Variants in GPRIN1 observed in about 807,000 individuals in gnomAD.
The protein encoded by GPRIN1 is G protein-regulated inducer of neurite outgrowth 1.
In GPRIN1, 4 loss-of-function variants were observed where a neutral mutation model predicts 2.8. The ratio of observed to expected loss-of-function variants is 1.45; its 90% confidence interval spans 0.71 to 3.32. The LOEUF is 3.32. Among genes scored for constraint, GPRIN1 ranks in the 30% most tolerant of loss-of-function variants. The pLI, the probability that GPRIN1 is intolerant of heterozygous loss-of-function variation, is 0.01. For synonymous variants in GPRIN1, 589 were observed against 589.9 expected, an observed-to-expected ratio of 1.00 and a Z score of 0.02; for missense variants, 1,322 against 1,343.4, an observed-to-expected ratio of 0.98 and a Z score of 0.25.
chr5:176,597,405 C>T lies in GPRIN1; in HGVS notation c.2430G>A (p.Glu810=). ...GCGCGCCCGCCTGAGTGCCCGCGTC[C>T]TCGCGCGGCGGCGGCGGGGCGCTCG... ...WEASAPPPPR[E]DAGTQAGAQA... The change falls in exon 2 of 2, where the codon GAG becomes GAA. Residue 810 remains glutamate, a synonymous_variant. Transcript: ENST00000303991. This position sits in a 1 kb window ranked among gnomAD's most constrained non-coding sequence, Gnocchi z 6.1. 1 of 1,292,510 alleles carries T rather than the reference C, an allele frequency of 7.7e-7. No homozygotes were observed. Among genetic ancestry groups the T allele is most frequent in the Admixed American group, 4.2e-5 (1 of 23,994 alleles). 80.1% of individuals were successfully genotyped at this position (1,292,510 alleles called of 1,614,324 possible).
Position 176,596,898 on chromosome 5 carries a change from G to A in GPRIN1, c.2937C>T (p.Ala979=), listed in dbSNP as rs778742067. Residue 979 remains alanine (A), a synonymous_variant, in exon 2 of 2, where the codon GCC becomes GCT. Transcript: ENST00000303991. This position sits in a 1 kb window ranked among gnomAD's most constrained non-coding sequence, Gnocchi z 5.2. ...GGAACAGGCCGGGCGGACGCTTGGC[G>A]GCGCCATCTGGGGGCGCGGTGCGCA... ...GSVRTAPPDG[A]AKRPPGLFRA... is the part of the protein sequence containing the mutation. 3 of 1,253,876 alleles carry A rather than the reference G, an allele frequency of 2.4e-6. No individual in the cohort carries two copies. The highest frequency in any genetic ancestry group is 3.0e-6 in the Non-Finnish European group (3 of 999,022). 77.7% of individuals were successfully genotyped at this position (1,253,876 alleles called of 1,614,324 possible). A position where few individuals can be genotyped will look rare whatever the true frequency, so the allele number is the denominator to read the frequency against.
Position 176,596,885 on chromosome 5 carries a change from G to A in GPRIN1, c.2950C>T (p.Pro984Ser), listed in dbSNP as rs749707802. 8 of 1,296,982 alleles carry A rather than the reference G, an allele frequency of 6.2e-6. No individual in the cohort carries two copies. The highest frequency in any genetic ancestry group is 2.9e-5 in the East Asian group (1 of 34,430). The allele number at this position is 1,296,982 out of a possible 1,614,324, so 80.3% of individuals were successfully genotyped here. ...APPDGAAKRP[P>S]GLFRALLQSV... ...TGCAGCAGCGCGCGGAACAGGCCGG[G>A]CGGACGCTTGGCGGCGCCATCTGGG... The change falls in exon 2 of 2, where the codon CCC becomes TCC. Residue 984 changes from proline to serine, a missense_variant. By Grantham distance (74) the Pro-to-Ser change is moderately conservative. Transcript: ENST00000303991. The surrounding 1 kb of genome is among the most constrained non-coding windows in gnomAD (Gnocchi z 5.2).
intron 1 of GPRIN1, among the ~76,000 whole-genome samples, chr5:176,605,900 AAC>A (rs745796574): frequency 1.1e-4 from 16 of 152,150 alleles, no homozygotes; most frequent in Non-Finnish European, 2.2e-4. Flanking sequence ...TTCTCTGGAA[AAC>A]AGGAATTCAA....
In GPRIN1 at chr5:176,597,556, G is replaced by A; in HGVS notation, c.2279C>T (p.Ala760Val). The A allele has an allele frequency of 6.4e-7, 1 of 1,565,514 alleles. No homozygotes were observed. Among genetic ancestry groups the A allele is most frequent in the South Asian group, 1.1e-5 (1 of 88,136 alleles). Residue 760 changes from alanine to valine, a missense_variant, in exon 2 of 2, where the codon GCC becomes GTC. Coordinates refer to ENST00000303991, the MANE Select transcript of GPRIN1 (RefSeq NM_052899.3). This position sits in a 1 kb window ranked among gnomAD's most constrained non-coding sequence, Gnocchi z 6.1. ...PKAEPVSSTE[A>V]SSLGQKDLEA... is the part of the protein sequence containing the mutation. ...CAGGTCTTTCTGGCCGAGACTGGAG[G>A]CCTCGGTGCTGGACACGGGCTCGGC...
At position 176,599,655 on chromosome 5, in the gene GPRIN1, G is replaced by A. The variant is rs373735554; in HGVS notation, c.180C>T (p.Thr60=). Reference sequence around the variant, plus strand: ...ACTCCATGCCTGGGCTTTGGTCAGGGGTGTGCCTGGGGGGTGCAGGGCTTG... The same window carrying A: ...ACTCCATGCCTGGGCTTTGGTCAGGAGTGTGCCTGGGGGGTGCAGGGCTTG... ...QKASPAPPRH[T]PDQSPGMESR... The change falls in exon 2 of 2, where the codon ACC becomes ACT. Residue 60 remains threonine (T), a synonymous_variant. Transcript: ENST00000303991. 3.9e-6 allele frequency: 6 copies of A among 1,555,122 alleles called. No homozygotes were observed. Among genetic ancestry groups the A allele is most frequent in the Middle Eastern group, 1.7e-4 (1 of 5,760 alleles).
Position 176,597,935 on chromosome 5 carries a change from A to C in GPRIN1, c.1900T>G (p.Ser634Ala). Residue 634 changes from serine (S) to alanine (A), a missense_variant, in exon 2 of 2, where the codon TCT (serine) becomes GCT (alanine). By Grantham distance (99) the Ser-to-Ala change is moderately conservative (BLOSUM62 1). Around this residue, in one of 3 missense-constraint regions of GPRIN1, gnomAD observed 1,117 missense variants for 1,128.6 expected, o/e 0.99. Transcript: ENST00000303991. The surrounding 1 kb of genome is among the most constrained non-coding windows in gnomAD (Gnocchi z 6.1). The part of the protein sequence containing the change: ...PRASGKAQPQ[S>A]GGKAETKLPG... ...AGCTTTGTTTCTGCTTTGCCACCAG[A>C]CTGCGGCTGTGCTTTCCCCGAGGCC... 4 of 1,613,836 alleles carry C rather than the reference A, an allele frequency of 2.5e-6. No homozygotes were observed. In the South Asian group the frequency reaches 4.4e-5, roughly 18 times the overall value.
At position 176,599,255 on chromosome 5, in the gene GPRIN1, C is replaced by T. The variant is rs1581157231; in HGVS notation, c.580G>A (p.Asp194Asn). 1 of 1,614,014 alleles carries T rather than the reference C, an allele frequency of 6.2e-7. No homozygotes were observed. The highest frequency in any genetic ancestry group is 8.5e-7 in the Non-Finnish European group (1 of 1,180,018). Residue 194 changes from aspartate (D) to asparagine (N), a missense_variant, in exon 2 of 2, where the codon GAT becomes AAT. Around this residue, in one of 3 missense-constraint regions of GPRIN1, gnomAD observed 1,117 missense variants for 1,128.6 expected, o/e 0.99. Transcript: ENST00000303991. ...KAEPEILGKGDPVAPGRMDPM... is the reference protein window; with the variant it reads ...KAEPEILGKGNPVAPGRMDPM... Reference sequence around the variant, plus strand: ...TCCATCCTTCCAGGAGCCACAGGATCCCCCTTTCCCAAGATTTCAGGCTCT... The same window carrying T: ...TCCATCCTTCCAGGAGCCACAGGATTCCCCTTTCCCAAGATTTCAGGCTCT...
rs1010596410 is a variant in GPRIN1, at chr5:176,597,514, T to C, written c.2321A>G (p.Glu774Gly). Residue 774 changes from glutamate to glycine, a missense_variant, in exon 2 of 2, where the codon GAG becomes GGG. Glu to Gly is a moderately conservative substitution (Grantham distance 98, BLOSUM62 -2). Around this residue, in one of 3 missense-constraint regions of GPRIN1, gnomAD observed 1,117 missense variants for 1,128.6 expected, o/e 0.99. Transcript: ENST00000303991. This position sits in a 1 kb window ranked among gnomAD's most constrained non-coding sequence, Gnocchi z 6.1. ...GQKDLEAAGAERSPCPEAAAP... is the reference protein window; with the variant it reads ...GQKDLEAAGAGRSPCPEAAAP... ...TGCGGCCTCTGGGCAGGGGCTTCTC[T>C]CGGCCCCAGCGGCTTCCAGGTCTTT... The C allele has an allele frequency of 8.7e-5, 128 of 1,476,712 alleles. No individual in the cohort carries two copies. The highest frequency in any genetic ancestry group is 1.1e-4 in the Non-Finnish European group (124 of 1,112,510). 91.5% of individuals were successfully genotyped at this position (1,476,712 alleles called of 1,614,324 possible).
intron 1 of GPRIN1, among the ~76,000 whole-genome samples, chr5:176,600,770 G>C (rs1342497836): frequency 2.0e-5 from 3 of 152,062 alleles, no homozygotes; most frequent in Non-Finnish European, 4.4e-5. Context: ...AAAAAAATTA[G>C]CCAGGTGTGG....
chr5:176,610,048 G>A lies in GPRIN1; in HGVS notation c.-93C>T. 6.6e-6 allele frequency: 1 copy of A among 152,048 alleles called. No homozygotes were observed. Among genetic ancestry groups the A allele is most frequent in the Non-Finnish European group, 1.4e-5 (1 of 69,328 alleles). The allele number at this position is 152,048 out of a possible 1,614,324, so 9.4% of individuals were successfully genotyped here. A position where few individuals can be genotyped will look rare whatever the true frequency, so the allele number is the denominator to read the frequency against. ...CTGGGCGAGATGCGCTCCGGCTCCC[G>A]CCGCCGCCGCCGCCGCCGCCCGAGC... On this transcript the variant is annotated 5_prime_UTR_variant, in exon 1 of 2. Transcript: ENST00000303991.
At chr5:176,604,791 T>C (rs2113353052) in intron 1 of GPRIN1, among the ~76,000 whole-genome samples, 1 of 152,336 alleles carries the variant, frequency 6.6e-6, no homozygotes, top group African/African-American at 2.4e-5. Context: ...TGGAGTGCAA[T>C]GGTGCTATCT....
In GPRIN1 at chr5:176,597,402, G is replaced by C; in HGVS notation, c.2433C>G (p.Asp811Glu). 6 of 1,290,538 alleles carry C rather than the reference G, an allele frequency of 4.6e-6. No individual in the cohort carries two copies. The highest frequency in any genetic ancestry group is 2.6e-5 in the South Asian group (1 of 39,076). The allele number at this position is 1,290,538 out of a possible 1,614,324, so 79.9% of individuals were successfully genotyped here. A position where few individuals can be genotyped will look rare whatever the true frequency, so the allele number is the denominator to read the frequency against. Reference protein sequence around the residue: ...EASAPPPPREDAGTQAGAQAC... With the variant: ...EASAPPPPREEAGTQAGAQAC... ...CCTGCGCGCCCGCCTGAGTGCCCGCGTCCTCGCGCGGCGGCGGCGGGGCGC... is the reference window on the plus strand; with the variant it reads ...CCTGCGCGCCCGCCTGAGTGCCCGCCTCCTCGCGCGGCGGCGGCGGGGCGC... The change falls in exon 2 of 2, where the codon GAC becomes GAG. Residue 811 changes from aspartate (D) to glutamate (E), a missense_variant. Asp to Glu is a conservative substitution (Grantham distance 45). Around this residue, in one of 3 missense-constraint regions of GPRIN1, gnomAD observed 1,117 missense variants for 1,128.6 expected, o/e 0.99. Transcript: ENST00000303991. This position sits in a 1 kb window ranked among gnomAD's most constrained non-coding sequence, Gnocchi z 6.1.
Position 176,599,170 on chromosome 5 carries a change from G to A in GPRIN1, c.665C>T (p.Ser222Phe). ...GSLGKVDPLC[S>F]SKTYTVSPRK... ...CGGTGACACTGTATACGTCTTGCTG[G>A]AGCACAAAGGATCTACTTTTCCCAG... Residue 222 changes from serine (S) to phenylalanine (F), a missense_variant, in exon 2 of 2, where the codon TCC (serine) becomes TTC (phenylalanine). By Grantham distance (155) the Ser-to-Phe change is radical (BLOSUM62 -2). Coordinates refer to ENST00000303991, the MANE Select transcript of GPRIN1 (RefSeq NM_052899.3). The A allele has an allele frequency of 6.2e-7, 1 of 1,613,738 alleles. No homozygotes were observed. Among genetic ancestry groups the A allele is most frequent in the Non-Finnish European group, 8.5e-7 (1 of 1,179,876 alleles).
intron 1 of GPRIN1, among the ~76,000 whole-genome samples, chr5:176,604,662 G>C (rs541557885): frequency 1.4e-3 from 215 of 152,314 alleles, no homozygotes; most frequent in Non-Finnish European, 2.3e-3. Flanking sequence ...GCAGGGAAGT[G>C]AATGTGGCCG....
chr5:176,609,434 G>A (rs1759275014), intron 1 of GPRIN1, among the ~76,000 whole-genome samples: 1 of 152,194 alleles, frequency 6.6e-6, no homozygotes, highest in Admixed American at 6.5e-5. Flanking sequence ...CATTGTGTGT[G>A]TGCGGTAGAC....
In GPRIN1 at chr5:176,601,691, A is replaced by G. The variant is rs574242914; in HGVS notation, c.-43-1814T>C. Among the ~76,000 whole-genome samples the G allele has an allele frequency of 3.9e-5, 6 of 152,202 alleles. No individual in the cohort carries two copies. The East Asian group carries it at 1.2e-3, about 29-fold the overall frequency. ...CACACTCAGTAGCCAAAGCAAATAGAGCTCCTGATCCCCTCAAACCTGCTC... is the reference window on the plus strand; with the variant it reads ...CACACTCAGTAGCCAAAGCAAATAGGGCTCCTGATCCCCTCAAACCTGCTC... On this transcript the variant is annotated intron_variant, in intron 1 of 1. Transcript: ENST00000303991.
chr5:176,603,628 G>A (rs1023365286), intron 1 of GPRIN1, among the ~76,000 whole-genome samples: 3 of 152,156 alleles, frequency 2.0e-5, no homozygotes. Context: ...AGGATCATGG[G>A]GCACTGGGTT....
At position 176,597,473 on chromosome 5, in the gene GPRIN1, GC is replaced by G; in HGVS notation, c.2361del (p.Pro788ArgfsTer39). On this transcript the variant is annotated frameshift_variant, in exon 2 of 2. Transcript: ENST00000303991. LOFTEE classifies it low-confidence loss of function (END_TRUNC). The surrounding 1 kb of genome is among the most constrained non-coding windows in gnomAD (Gnocchi z 6.1). ...TTGGTGAAGTTGTCGCGAGTCCGCG[GC>G]CCCGGCGGGGGCGCTGCGGCCTCTG... ...PCPEAAAPPP[G>X]PRTRDNFTKA... is the part of the protein sequence containing the mutation. 7.5e-7 allele frequency: 1 copy of G among 1,333,966 alleles called. No individual in the cohort carries two copies. The allele number at this position is 1,333,966 out of a possible 1,614,324, so 82.6% of individuals were successfully genotyped here. A position where few individuals can be genotyped will look rare whatever the true frequency, so the allele number is the denominator to read the frequency against.
Position 176,606,468 on chromosome 5 carries a change from G to T in GPRIN1, c.-44+3531C>A, listed in dbSNP as rs376941105. On this transcript the variant is annotated intron_variant, in intron 1 of 1. Transcript: ENST00000303991. ...TTCTAAACATTAGAAGATTTCATGTGACAGTAAGATTTCCAGCTTCTCTTG... is the reference window on the plus strand; with the variant it reads ...TTCTAAACATTAGAAGATTTCATGTTACAGTAAGATTTCCAGCTTCTCTTG... Among the ~76,000 whole-genome samples the T allele has an allele frequency of 2.8e-4, 43 of 152,350 alleles. 1 individual carries two copies. The highest frequency in any genetic ancestry group is 9.9e-4 in the African/African-American group (41 of 41,576).
Sources: gnomAD v4.1 joint callset for allele counts (sites outside exome capture counted in the v4.1 genomes callset) on GRCh38, gnomAD v4.1.1 for gene constraint, gnomAD v4.1.1 regional missense constraint, Gnocchi (gnomAD v3.1) non-coding constraint, MANE v1.5 for transcripts, NCBI Gene and HGNC (gene_info 2026-07-23, HGNC 2026-07-21) for gene names.